STRN3: variants seen among roughly 807,000 people sequenced by gnomAD.
The protein encoded by STRN3 is striatin-3.
STRN3 carries 29 observed loss-of-function variants against 95.6 expected under a neutral mutation model. That is an observed-to-expected ratio of 0.30 (90% CI 0.23 to 0.41). The LOEUF is 0.41. Ranked by LOEUF, STRN3 falls within the 10% of genes least tolerant of loss-of-function variation. STRN3 has a pLI of 1.00. For missense variants in STRN3, 890 were observed against 972.1 expected (o/e 0.92, Z 1.12); for synonymous variants, 331 against 357.6 (o/e 0.93, Z 0.84).
chr14:30,902,152 C>T (rs535652053), intron 16 of STRN3, among the ~76,000 whole-genome samples: 28 of 105,548 alleles, frequency 2.7e-4, no homozygotes, highest in African/African-American at 8.0e-4. Flanking sequence ...GCCTGGGCAA[C>T]AAGAGCAAAA....
chr14:30,945,293 C>G (rs193066092), intron 5 of STRN3, among the ~76,000 whole-genome samples: 3 of 152,218 alleles, frequency 2.0e-5, no homozygotes, highest in Non-Finnish European at 2.9e-5. Context: ...AAACTTGGAA[C>G]CAACCCACAT....
chr14:30,928,630 T>C (rs1285889314), intron 8 of STRN3, among the ~76,000 whole-genome samples: 2 of 152,120 alleles, frequency 1.3e-5, no homozygotes, highest in Non-Finnish European at 2.9e-5. Flanking sequence ...CACCCAGCAA[T>C]GACTAAACAA....
chr14:31,023,710 T>C (rs534356528), intron 1 of STRN3, among the ~76,000 whole-genome samples: 11 of 152,042 alleles, frequency 7.2e-5, no homozygotes, highest in Admixed American at 2.0e-4. Context: ...CCCACAAATA[T>C]GTATTCAACA....
intron 7 of STRN3, 89 bp downstream of exon 7, chr14:30,935,074 T>G: frequency 6.6e-7 from 1 of 1,523,460 alleles, no homozygotes; most frequent in Admixed American, 2.0e-5. Context: ...CACCATATAT[T>G]TATACACACA....
At chr14:30,967,165 T>C (rs1880559456) in intron 1 of STRN3, among the ~76,000 whole-genome samples, 1 of 144,554 alleles carries the variant, frequency 6.9e-6, no homozygotes, top group African/African-American at 2.6e-5. Context: ...TCTTGGGTAT[T>C]AGAGTAGCTC....
intron 1 of STRN3, chr14:31,018,490 G>C: frequency 9.3e-6 from 4 of 430,924 alleles, no homozygotes; most frequent in South Asian, 6.6e-5. Flanking sequence ...CTTCAGAGCA[G>C]AGCTTCTCTA....
At chr14:30,990,529 C>G (rs1015418435) in intron 1 of STRN3, among the ~76,000 whole-genome samples, 2 of 152,056 alleles carry the variant, frequency 1.3e-5, no homozygotes, top group African/African-American at 4.8e-5. Context: ...GAGACAGGTT[C>G]CTTAACTTAT....
At chr14:30,966,445 T>C (rs1467978063) in intron 1 of STRN3, among the ~76,000 whole-genome samples, 1 of 152,184 alleles carries the variant, frequency 6.6e-6, no homozygotes, top group African/African-American at 2.4e-5. Flanking sequence ...AGTCTCTGTT[T>C]CTCTCTCGTG....
chr14:30,936,402 C>CA lies in STRN3; in HGVS notation c.846+92dup, dbSNP rs1235517726. ...AACCAATATGTAAAGTAAAGATGAT[C>CA]AATCACTCCCAATGTAACTTAAGAT... is the stretch of plus-strand genomic sequence containing the variant. On this transcript the variant is annotated intron_variant, in intron 6 of 17. Coordinates refer to ENST00000357479, the MANE Select transcript of STRN3 (RefSeq NM_001083893.2). The CA allele has an allele frequency of 2.2e-6, 3 of 1,374,472 alleles. No individual in the cohort carries two copies. The African/African-American group carries it at 4.4e-5, about 20-fold the overall frequency. The allele number at this position is 1,374,472 out of a possible 1,614,324, so 85.1% of individuals were successfully genotyped here. A position where few individuals can be genotyped will look rare whatever the true frequency, so the allele number is the denominator to read the frequency against.
In STRN3 at chr14:30,894,489, G is replaced by A. The variant is rs1178754174; in HGVS notation, c.*922C>T. ...TGGATAATCCTTGATAAATAAACTT[G>A]TAAATACAGTAAGATGTACAAAATA... On this transcript the variant is annotated 3_prime_UTR_variant, in exon 18 of 18. Coordinates refer to ENST00000357479, the MANE Select transcript of STRN3 (RefSeq NM_001083893.2). The A allele has an allele frequency of 6.6e-6, 1 of 152,626 alleles. No individual in the cohort carries two copies. Among genetic ancestry groups the A allele is most frequent in the Non-Finnish European group, 1.5e-5 (1 of 68,044 alleles). The allele number at this position is 152,626 out of a possible 1,614,324, so 9.5% of individuals were successfully genotyped here.
Position 30,894,969 on chromosome 14 carries a change from A to AGAG in STRN3, c.*439_*441dup, listed in dbSNP as rs1447844564. 4 of 1,037,844 alleles carry AGAG rather than the reference A, an allele frequency of 3.9e-6. No individual in the cohort carries two copies. The highest frequency in any genetic ancestry group is 4.8e-6 in the Non-Finnish European group (4 of 827,502). 64.3% of individuals were successfully genotyped at this position (1,037,844 alleles called of 1,614,324 possible). ...TCAACCGATAAACAGAAGATCACTA[A>AGAG]GAGATGAAAAAAAGCTACTCTTGGA... On this transcript the variant is annotated 3_prime_UTR_variant, in exon 18 of 18. Transcript: ENST00000357479.
At chr14:30,944,594 C>CAT (rs757394600) in intron 5 of STRN3, among the ~76,000 whole-genome samples, 151 of 141,288 alleles carry the variant, frequency 1.1e-3, no homozygotes, top group South Asian at 8.6e-3. Context: ...CACGCACATA[C>CAT]ATATATATAT....
At chr14:30,995,631 C>T (rs1322552919) in intron 1 of STRN3, among the ~76,000 whole-genome samples, 1 of 152,094 alleles carries the variant, frequency 6.6e-6, no homozygotes, top group Non-Finnish European at 1.5e-5. Flanking sequence ...TTTTCCAAAA[C>T]ACCTTAGGAA....
intron 1 of STRN3, among the ~76,000 whole-genome samples, chr14:30,994,091 G>C (rs747058559): frequency 1.4e-4 from 22 of 152,174 alleles, no homozygotes; most frequent in Non-Finnish European, 2.9e-4. Context: ...GGTCAGACTG[G>C]TCTTGAACTC....
intron 1 of STRN3, among the ~76,000 whole-genome samples, chr14:31,016,356 T>C (rs1235344042): frequency 4.6e-5 from 7 of 152,098 alleles, no homozygotes; most frequent in African/African-American, 1.4e-4. Context: ...AAATGGAATA[T>C]TGTTCAGCAC....
At chr14:31,011,850 T>C (rs1225797557) in intron 1 of STRN3, among the ~76,000 whole-genome samples, 1 of 152,050 alleles carries the variant, frequency 6.6e-6, no homozygotes, top group African/African-American at 2.4e-5. Context: ...GAGGCCAAGG[T>C]GGGAGGACCA....
intron 4 of STRN3, among the ~76,000 whole-genome samples, chr14:30,949,439 T>C (rs7350757): frequency 1 from 152,127 of 152,274 alleles, 75,990 homozygotes; most frequent in Middle Eastern, 1. Flanking sequence ...GGTGAAACCC[T>C]ATTTCTACTA....
intron 7 of STRN3, among the ~76,000 whole-genome samples, chr14:30,929,971 A>AAAAAAAAAAAAAAAAAAAAAAT (rs1878441775): frequency 6.7e-6 from 1 of 149,816 alleles, no homozygotes; most frequent in African/African-American, 2.4e-5. Context: ...AAAAAAAAAA[A>AAAAAAAAAAAAAAAAAAAAAAT]AAAAAAAACT....
intron 6 of STRN3, 122 bp from the exon 7 acceptor site, chr14:30,935,426 TCTC>T (rs1594460304): frequency 4.6e-6 from 5 of 1,077,900 alleles, no homozygotes; most frequent in Non-Finnish European, 6.5e-6. Flanking sequence ...AAATTTTAGA[TCTC>T]CTATGTAATT....
Sources: gnomAD v4.1 joint callset for allele counts (sites outside exome capture counted in the v4.1 genomes callset) on GRCh38, gnomAD v4.1.1 for gene constraint, MANE v1.5 for transcripts, NCBI Gene and HGNC (gene_info 2026-07-23, HGNC 2026-07-21) for gene names.